The following IPO5 variants were observed in gnomAD, a reference collection of about 807,000 sequenced individuals.
IPO5 encodes the protein importin-5.
Under a neutral mutation model 143.3 loss-of-function variants are expected in IPO5, and 18 were observed. The observed-to-expected ratio is 0.13, with a 90% CI of 0.09 to 0.19. The LOEUF is 0.19. IPO5 is among the 10% of genes least tolerant of loss of function. The probability of loss-of-function intolerance (pLI) is 1.00; values close to 1 mark genes in which losing one functional copy is unlikely to be tolerated. For synonymous variants in IPO5, 477 were observed against 465.7 expected, an observed-to-expected ratio of 1.02 and a Z score of -0.31; for missense variants, 1,013 against 1,336.9, an observed-to-expected ratio of 0.76 and a Z score of 3.78.
At position 97,993,086 on chromosome 13, in the gene IPO5, A is replaced by C. The variant is rs1246083235; in HGVS notation, c.793-19A>C. On this transcript the variant is annotated intron_variant, in intron 10 of 28. Coordinates refer to ENST00000651721, the MANE Select transcript of IPO5 (RefSeq NM_002271.6). ...CTAATCTAAATTATTAAATGTATAC[A>C]AATATGTCTTCTTTGTAGTTGTGTG... The C allele has an allele frequency of 6.2e-7, 1 of 1,613,590 alleles. No individual in the cohort carries two copies. Among genetic ancestry groups the C allele is most frequent in the Non-Finnish European group, 8.5e-7 (1 of 1,179,796 alleles).
chr13:98,003,188 T>A (rs752769749), intron 16 of IPO5, 151 bp downstream of exon 16: 1 of 673,830 alleles, frequency 1.5e-6, no homozygotes, highest in Non-Finnish European at 2.5e-6. Context: ...TGTGGAATGA[T>A]GAGTAGAGAA....
At chr13:97,994,694 C>A (rs1260720839) in intron 11 of IPO5, among the ~76,000 whole-genome samples, 1 of 152,278 alleles carries the variant, frequency 6.6e-6, no homozygotes. Flanking sequence ...AAGTGGAGAT[C>A]TTGTTTCATC....
chr13:97,982,688 C>T, intron 5 of IPO5, 105 bp downstream of exon 5: 3 of 753,460 alleles, frequency 4.0e-6, no homozygotes, highest in Non-Finnish European at 6.6e-6. Context: ...ACCACATAGA[C>T]TTTACTAGAA....
chr13:97,973,913 G>T (rs909723374), intron 3 of IPO5, among the ~76,000 whole-genome samples: 1 of 151,856 alleles, frequency 6.6e-6, no homozygotes, highest in African/African-American at 2.4e-5. Context: ...ACCAAAACTG[G>T]AAACATTAGC....
In IPO5 at chr13:98,000,692, C is replaced by A. The variant is rs1395425544; in HGVS notation, c.1108+47C>A. On this transcript the variant is annotated intron_variant, in intron 13 of 28. Transcript: ENST00000651721. ...CTAGAAGAGTGAAGTTGTGCCCTTT[C>A]TAAAGCTTAAATTCTAAGATATGTT... is the stretch of plus-strand genomic sequence containing the variant. 4 of 1,268,592 alleles carry A rather than the reference C, an allele frequency of 3.2e-6. No homozygotes were observed. In the South Asian group the frequency reaches 3.6e-5, roughly 11 times the overall value. 78.6% of individuals were successfully genotyped at this position (1,268,592 alleles called of 1,614,324 possible).
At chr13:98,003,664 A>G (rs145579219) in intron 16 of IPO5, among the ~76,000 whole-genome samples, 2 of 152,116 alleles carry the variant, frequency 1.3e-5, no homozygotes, top group Non-Finnish European at 2.9e-5. Flanking sequence ...AGCCTGGCCA[A>G]CATGGTGAAA....
chr13:98,004,439 A>T (rs1356937741), intron 16 of IPO5, among the ~76,000 whole-genome samples: 1 of 152,156 alleles, frequency 6.6e-6, no homozygotes, highest in Admixed American at 6.5e-5. Flanking sequence ...TTGAAGGCAG[A>T]TTGGTTGGTT....
intron 20 of IPO5, among the ~76,000 whole-genome samples, chr13:98,010,905 C>T (rs1282118128): frequency 1.3e-5 from 2 of 150,358 alleles, no homozygotes; most frequent in South Asian, 2.1e-4. Flanking sequence ...CTCAGCCTCC[C>T]GAGTAGCTGG....
Position 98,021,819 on chromosome 13 carries a change from G to C in IPO5, c.3291G>C (p.Ala1097=). 1 of 1,598,346 alleles carries C rather than the reference G, an allele frequency of 6.3e-7. No individual in the cohort carries two copies. The highest frequency in any genetic ancestry group is 2.2e-5 in the East Asian group (1 of 44,674). Reference sequence around the variant, plus strand: ...CCATTCAGGAGCTCCTGAACTCTGCGTGAAGGGCCTTAATGTCACCCACCA... The same window carrying C: ...CCATTCAGGAGCTCCTGAACTCTGCCTGAAGGGCCTTAATGTCACCCACCA... ...QAAIQELLNS[A] is the part of the protein sequence containing the mutation. Residue 1097 remains alanine, a synonymous_variant, in exon 29 of 29, where the codon GCG becomes GCC. Transcript: ENST00000651721.
chr13:98,017,312 A>G (rs1042236123), intron 25 of IPO5, among the ~76,000 whole-genome samples: 2 of 149,784 alleles, frequency 1.3e-5, no homozygotes, highest in Non-Finnish European at 3.0e-5. Flanking sequence ...AAAATGTTTT[A>G]TAGACTTCTT....
At position 98,021,092 on chromosome 13, in the gene IPO5, C is replaced by G. The variant is rs770690731; in HGVS notation, c.3166C>G (p.Pro1056Ala). The change falls in exon 28 of 29, where the codon CCT becomes GCT. Residue 1056 changes from proline to alanine, a missense_variant. Transcript: ENST00000651721. ...GCACGAGGCAATTAAACATGAAGAT[C>G]CTTGTGCCAAACGTCTGGCCAATGT... ...EMHEAIKHEDPCAKRLANVVR... is the reference protein window; with the variant it reads ...EMHEAIKHEDACAKRLANVVR... 4 of 1,609,894 alleles carry G rather than the reference C, an allele frequency of 2.5e-6. No homozygotes were observed. The South Asian group carries it at 4.4e-5, about 18-fold the overall frequency.
intron 24 of IPO5, 146 bp downstream of exon 24, chr13:98,015,927 T>C (rs1187904104): frequency 5.1e-6 from 3 of 586,016 alleles, no homozygotes; most frequent in Non-Finnish European, 6.0e-6. Context: ...CCTCTCTTAA[T>C]TTATGAATAA....
chr13:97,993,279 A>G, intron 11 of IPO5, 54 bp downstream of exon 11: 1 of 1,475,534 alleles, frequency 6.8e-7, no homozygotes, highest in Non-Finnish European at 9.4e-7. Flanking sequence ...ATTTTTGGAT[A>G]AATTTGCTGA....
intron 21 of IPO5, among the ~76,000 whole-genome samples, chr13:98,012,794 A>C (rs1889811605): frequency 7.4e-6 from 1 of 135,198 alleles, no homozygotes; most frequent in African/African-American, 2.7e-5. Flanking sequence ...AAGCCCAGCT[A>C]GATTTGATTT....
At chr13:97,983,965 CTTTTTTTTTTTTTTTTTTTT>C (rs71117684) in intron 5 of IPO5, among the ~76,000 whole-genome samples, 1 of 45,826 alleles carries the variant, frequency 2.2e-5, no homozygotes, top group Non-Finnish European at 3.9e-5. Flanking sequence ...AGGGTAACTT[CTTTTTTTTTTTTTTTTTTTT>C]TTTTTTTTTT....
intron 11 of IPO5, 22 bp downstream of exon 11, chr13:97,993,247 A>C: frequency 6.2e-7 from 1 of 1,608,602 alleles, no homozygotes; most frequent in Non-Finnish European, 8.5e-7. Context: ...GTCTTCAGAT[A>C]GTTTATGTGT....
chr13:97,995,179 G>GT (rs200248504), intron 11 of IPO5, among the ~76,000 whole-genome samples: 6,049 of 131,636 alleles, frequency 0.046, 150 homozygotes, highest in African/African-American at 0.074. Flanking sequence ...TTCTTTCTTT[G>GT]TTTTTTTTTT....
intron 2 of IPO5, among the ~76,000 whole-genome samples, chr13:97,968,069 C>T (rs1366243188): frequency 4.6e-5 from 7 of 152,142 alleles, no homozygotes; most frequent in African/African-American, 1.7e-4. Context: ...AGGATCCTCC[C>T]ACCTCAGCCT....
chr13:97,971,096 C>T (rs2139560931), intron 3 of IPO5, among the ~76,000 whole-genome samples: 1 of 152,366 alleles, frequency 6.6e-6, no homozygotes, highest in East Asian at 1.9e-4. Context: ...ATCATTTGAA[C>T]TTGCACATTG....
Sources: gnomAD v4.1 joint callset for allele counts (sites outside exome capture counted in the v4.1 genomes callset) on GRCh38, gnomAD v4.1.1 for gene constraint, MANE v1.5 for transcripts, NCBI Gene and HGNC (gene_info 2026-07-23, HGNC 2026-07-21) for gene names.